Variants in TENM1 observed in about 807,000 individuals in gnomAD.
The protein encoded by TENM1 is teneurin-1.
In TENM1, 35 loss-of-function variants were observed where a neutral mutation model predicts 174.8. The ratio of observed to expected loss-of-function variants is 0.20; its 90% CI spans 0.15 to 0.27. The LOEUF is 0.27. Ranked by LOEUF, TENM1 falls within the 10% of genes least tolerant of loss-of-function variation. TENM1 has a pLI of 1.00. For missense variants in TENM1, 1,633 were observed against 2,130.1 expected, an observed-to-expected ratio of 0.77 and a Z score of 4.59; for synonymous variants, 781 against 798.7, an observed-to-expected ratio of 0.98 and a Z score of 0.37.
At chrX:124,593,888 G>A (rs1327461400) in intron 11 of TENM1, among the ~76,000 whole-genome samples, 1 of 112,089 alleles carries the variant, frequency 8.9e-6, no homozygotes, top group Non-Finnish European at 1.9e-5. Flanking sequence ...AGTTCTGGCT[G>A]TGGAGGCCCC....
intron 14 of TENM1, among the ~76,000 whole-genome samples, chrX:124,551,540 A>G (rs1172039692): frequency 9.1e-6 from 1 of 110,397 alleles, no homozygotes; most frequent in Non-Finnish European, 1.9e-5. Context: ...ACACACACAC[A>G]CACACACACA....
chrX:125,094,153 G>C, the TENM1 span, among the ~76,000 whole-genome samples: 1 of 112,256 alleles, frequency 8.9e-6, no homozygotes, highest in Non-Finnish European at 1.9e-5. Context: ...CAGCGTCCCT[G>C]AGGCCCTGCT....
chrX:125,125,956 C>T, the TENM1 span, among the ~76,000 whole-genome samples: 2 of 111,939 alleles, frequency 1.8e-5, no homozygotes, highest in Non-Finnish European at 3.8e-5. Context: ...TCCATCATGA[C>T]CATATATGCT....
chrX:124,518,750 C>T (rs1234861749), intron 18 of TENM1, among the ~76,000 whole-genome samples: 1 of 111,521 alleles, frequency 9.0e-6, no homozygotes, highest in Admixed American at 9.5e-5. Flanking sequence ...TATCCAGCGT[C>T]ACACAGCTCG....
rs1350832380 is a variant in TENM1 at position 124,875,212 on chromosome X, G to C, written c.535+19084C>G. 2.5e-4 allele frequency among the ~76,000 whole-genome samples: 28 copies of C among 110,596 alleles called. No individual in the cohort carries two copies. In the Admixed American group the frequency reaches 2.7e-3, roughly 11 times the overall value. On this transcript the variant is annotated intron_variant, in intron 3 of 31. Transcript: ENST00000422452. ...ATTCCTCAATAGCATTATGATTTTT[G>C]TGTGTGTGTGTTGTACTTTTTGCTT...
the TENM1 span, among the ~76,000 whole-genome samples, chrX:125,077,379 A>G: frequency 9.0e-6 from 1 of 111,094 alleles, no homozygotes; most frequent in East Asian, 2.8e-4. Context: ...TTAAGACCTT[A>G]GCTCTAATGT....
In TENM1 at chrX:124,549,376, G is replaced by A. The variant is rs183026366; in HGVS notation, c.2435-2286C>T. Among the ~76,000 whole-genome samples the A allele has an allele frequency of 6.9e-4, 77 of 111,950 alleles. 1 individual carries two copies. The highest frequency in any genetic ancestry group is 5.7e-3 in the Admixed American group (60 of 10,560). On this transcript the variant is annotated intron_variant, in intron 14 of 31. Transcript: ENST00000422452. ...AATTTGTTATTGAGCTAATATATGT[G>A]GAAGTATCCAGTGTCATGCCTGGCA...
At chrX:124,900,255 C>T (rs2057635718) in intron 1 of TENM1, among the ~76,000 whole-genome samples, 1 of 111,818 alleles carries the variant, frequency 8.9e-6, no homozygotes, top group Admixed American at 9.5e-5. Context: ...TTATGGACTT[C>T]AAAATGACTC....
At chrX:125,056,300 T>TA in the TENM1 span, among the ~76,000 whole-genome samples, 6 of 111,682 alleles carry the variant, frequency 5.4e-5, no homozygotes, top group Non-Finnish European at 1.1e-4. Flanking sequence ...TTTGAAAAGT[T>TA]AAAAAAATCT....
chrX:124,584,452 G>C (rs2049431901), intron 11 of TENM1, among the ~76,000 whole-genome samples: 1 of 110,357 alleles, frequency 9.1e-6, no homozygotes, highest in Admixed American at 9.6e-5. Context: ...ATAAGTGAAG[G>C]AGAAATAAAA....
At chrX:125,184,976 T>A in the TENM1 span, among the ~76,000 whole-genome samples, 1 of 111,467 alleles carries the variant, frequency 9.0e-6, no homozygotes, top group Non-Finnish European at 1.9e-5. Flanking sequence ...AAAGCTCCAT[T>A]TGAATTATAC....
At chrX:124,875,546 G>A (rs1434691041) in intron 3 of TENM1, among the ~76,000 whole-genome samples, 2 of 109,216 alleles carry the variant, frequency 1.8e-5, no homozygotes, top group East Asian at 5.7e-4. Context: ...TAGTTAATTA[G>A]AGCGGATATC....
chrX:124,382,602 A>G, intron 31 of TENM1, 68 bp downstream of exon 34: 1 of 1,050,337 alleles, frequency 9.5e-7, no homozygotes, highest in Non-Finnish European at 1.3e-6. Context: ...ATATGTATAT[A>G]TAATTTCTGG....
intron 27 of TENM1, among the ~76,000 whole-genome samples, chrX:124,403,404 C>T (rs1030623784): frequency 9.2e-6 from 1 of 108,576 alleles, no homozygotes; most frequent in African/African-American, 3.4e-5. Context: ...CCTGTAGTCC[C>T]AGCTACTTGG....
At chrX:125,119,083 G>A in the TENM1 span, among the ~76,000 whole-genome samples, 3 of 111,732 alleles carry the variant, frequency 2.7e-5, no homozygotes, top group Admixed American at 1.9e-4. Context: ...TTGCAAAATA[G>A]CTGTACTTAA....
At chrX:125,190,119 A>G in the TENM1 span, among the ~76,000 whole-genome samples, 1 of 111,578 alleles carries the variant, frequency 9.0e-6, no homozygotes, top group Non-Finnish European at 1.9e-5. Context: ...TCCCATTACA[A>G]TGATCAGTGC....
chrX:124,608,341 A>G (rs368194838), intron 11 of TENM1, among the ~76,000 whole-genome samples: 11 of 111,603 alleles, frequency 9.9e-5, no homozygotes, highest in African/African-American at 3.6e-4. Flanking sequence ...CTTCAGCTTT[A>G]GCCAAATCAA....
chrX:124,741,477 G>C (rs536673215), intron 3 of TENM1, among the ~76,000 whole-genome samples: 9 of 110,948 alleles, frequency 8.1e-5, no homozygotes, highest in South Asian at 7.6e-4. Context: ...CTAACCAAAG[G>C]GTTATGGAAA....
At chrX:124,986,164 A>C in the TENM1 span, among the ~76,000 whole-genome samples, 1 of 111,881 alleles carries the variant, frequency 8.9e-6, no homozygotes, top group Non-Finnish European at 1.9e-5. Flanking sequence ...CTTGATCCCA[A>C]GACCTTTCAA....
Sources: allele counts gnomAD v4.1 joint callset (sites outside exome capture counted in the v4.1 genomes callset), GRCh38; gene constraint gnomAD v4.1.1; transcripts MANE v1.5; gene names NCBI Gene and HGNC (gene_info 2026-07-23, HGNC 2026-07-21).